The following PEX14 variants were observed in gnomAD, a reference collection of about 807,000 sequenced individuals.
PEX14 encodes peroxisomal biogenesis factor 14.
A neutral mutation model predicts 49.5 loss-of-function variants in PEX14; 15 were observed. The ratio of observed to expected loss-of-function variants is 0.30; its 90% CI spans 0.20 to 0.47. The LOEUF (loss-of-function observed/expected upper bound fraction) is 0.47. PEX14 is among the 20% of genes least tolerant of loss of function. The pLI is 1.00. For missense variants in PEX14, 398 were observed against 494.8 expected (o/e 0.80, Z 1.86); for synonymous variants, 210 against 212.7 (o/e 0.99, Z 0.11).
intron 2 of PEX14, among the ~76,000 whole-genome samples, chr1:10,497,022 G>A (rs1230099955): frequency 6.6e-6 from 1 of 151,218 alleles, no homozygotes; most frequent in African/African-American, 2.4e-5. Flanking sequence ...TCTCATTTGG[G>A]CTGATCCTAT....
chr1:10,484,635 T>C (rs1055827476), intron 1 of PEX14, among the ~76,000 whole-genome samples: 1 of 151,702 alleles, frequency 6.6e-6, no homozygotes, highest in African/African-American at 2.4e-5. Flanking sequence ...ATTGATTATC[T>C]CATGGTTTCT....
At chr1:10,526,737 T>C (rs762977250) in intron 2 of PEX14, among the ~76,000 whole-genome samples, 14 of 152,078 alleles carry the variant, frequency 9.2e-5, no homozygotes, top group Non-Finnish European at 1.8e-4. Flanking sequence ...AGTGAGCATT[T>C]CCTTTGTGCA....
chr1:10,582,356 A>T (rs180940083), intron 3 of PEX14, among the ~76,000 whole-genome samples: 1 of 152,258 alleles, frequency 6.6e-6, no homozygotes, highest in Non-Finnish European at 1.5e-5. Flanking sequence ...GGTTTTGGGG[A>T]TACAGTAATG....
intron 2 of PEX14, among the ~76,000 whole-genome samples, chr1:10,527,001 G>T (rs1638503619): frequency 6.6e-6 from 1 of 152,002 alleles, no homozygotes; most frequent in Admixed American, 6.5e-5. Context: ...ATCACTTGAG[G>T]TTAGGAGTTC....
intron 2 of PEX14, among the ~76,000 whole-genome samples, chr1:10,507,687 C>G (rs567356996): frequency 6.6e-6 from 1 of 152,306 alleles, no homozygotes; most frequent in East Asian, 1.9e-4. Context: ...GCAATTTGCT[C>G]TGGACTCCAG....
chr1:10,551,275 A>G (rs901962378), intron 3 of PEX14, among the ~76,000 whole-genome samples: 3 of 152,200 alleles, frequency 2.0e-5, no homozygotes, highest in South Asian at 2.1e-4. Context: ...CCATACACAC[A>G]TGATATTCAT....
chr1:10,485,566 A>G (rs1018594923), intron 1 of PEX14, among the ~76,000 whole-genome samples: 9 of 150,676 alleles, frequency 6.0e-5, no homozygotes, highest in African/African-American at 2.0e-4. Flanking sequence ...TAGCCCTCCT[A>G]CCTCTGCCTC....
chr1:10,487,481 CTTTTTTT>C (rs33968565), intron 1 of PEX14, among the ~76,000 whole-genome samples: 6 of 86,752 alleles, frequency 6.9e-5, no homozygotes, highest in East Asian at 3.8e-4. Context: ...TTCTTTCTTT[CTTTTTTT>C]TTTTTTTTTT....
chr1:10,483,867 G>A (rs1478935773), intron 1 of PEX14, among the ~76,000 whole-genome samples: 1 of 151,552 alleles, frequency 6.6e-6, no homozygotes, highest in Non-Finnish European at 1.5e-5. Context: ...GTGGTCCTAG[G>A]AAATCTGAAC....
chr1:10,575,632 A>G (rs1640097927), intron 3 of PEX14, among the ~76,000 whole-genome samples: 1 of 152,268 alleles, frequency 6.6e-6, no homozygotes, highest in Admixed American at 6.5e-5. Context: ...ACTCTTCTGC[A>G]TAATTCCTTT....
rs566144838 is a variant in PEX14, at chr1:10,601,414, G to T, written c.298+2048G>T. Among the ~76,000 whole-genome samples, 3 of 152,200 alleles carry T rather than the reference G, an allele frequency of 2.0e-5. No individual in the cohort carries two copies. The East Asian group carries it at 5.8e-4, about 29-fold the overall frequency. On this transcript the variant is annotated intron_variant, in intron 4 of 8. Coordinates refer to ENST00000356607, the MANE Select transcript of PEX14 (RefSeq NM_004565.3). ...TTTTCATCCAGCTCAGCTGCAGCTA[G>T]GCAGGTGTGATCTTGGCAGTAGAGC... is the stretch of plus-strand genomic sequence containing the variant.
intron 2 of PEX14, among the ~76,000 whole-genome samples, chr1:10,534,390 C>T (rs28377898): frequency 0.012 from 1,838 of 152,050 alleles, 28 homozygotes; most frequent in Middle Eastern, 0.068. Context: ...CTCTCCTTTT[C>T]CCCCTCTCTC....
At chr1:10,503,798 A>G (rs1641730417) in intron 2 of PEX14, among the ~76,000 whole-genome samples, 1 of 152,028 alleles carries the variant, frequency 6.6e-6, no homozygotes, top group Non-Finnish European at 1.5e-5. Flanking sequence ...CAGTGGCACA[A>G]TCTCAGCTCA....
At chr1:10,572,999 A>T (rs916148034) in intron 3 of PEX14, among the ~76,000 whole-genome samples, 9 of 152,184 alleles carry the variant, frequency 5.9e-5, no homozygotes, top group African/African-American at 2.2e-4. Context: ...ACTGAAAAGG[A>T]TACTGTAGGC....
intron 2 of PEX14, among the ~76,000 whole-genome samples, chr1:10,533,223 C>G (rs1266080048): frequency 6.6e-6 from 1 of 151,924 alleles, no homozygotes; most frequent in Non-Finnish European, 1.5e-5. Flanking sequence ...ATTTTTGCAT[C>G]TAGTGTAGTG....
At chr1:10,618,516 C>A in intron 5 of PEX14, 99 bp downstream of exon 5, 2 of 938,042 alleles carry the variant, frequency 2.1e-6, no homozygotes, top group South Asian at 1.3e-5. Context: ...CTGCCGTGCT[C>A]TGCCCTGGAG....
At position 10,495,096 on chromosome 1, in the gene PEX14, T is replaced by G. The variant is rs1184728042; in HGVS notation, c.37-178T>G. 1.0e-6 allele frequency: 1 copy of G among 984,774 alleles called. No homozygotes were observed. Among genetic ancestry groups the G allele is most frequent in the East Asian group, 1.1e-4 (1 of 8,824 alleles). The allele number at this position is 984,774 out of a possible 1,614,324, so 61.0% of individuals were successfully genotyped here. On this transcript the variant is annotated intron_variant, in intron 1 of 8. Coordinates refer to ENST00000356607, the MANE Select transcript of PEX14 (RefSeq NM_004565.3). The surrounding 1 kb of genome is among the most constrained non-coding windows in gnomAD (Gnocchi z 4.2). ...TTCATCTTCCCTGGTGAATTCAGAC[T>G]CTTTGGGCTACTTTTTACAGGTAGT...
chr1:10,499,781 A>G (rs1210468802), intron 2 of PEX14, among the ~76,000 whole-genome samples: 1 of 152,010 alleles, frequency 6.6e-6, no homozygotes, highest in Non-Finnish European at 1.5e-5. Flanking sequence ...TGATGACAGC[A>G]ATTTCTACTT....
At chr1:10,478,403 A>C (rs1641231406) in intron 1 of PEX14, among the ~76,000 whole-genome samples, 1 of 152,152 alleles carries the variant, frequency 6.6e-6, no homozygotes, top group African/African-American at 2.4e-5. Flanking sequence ...AATTCCTTAA[A>C]ATTTCAAGGA....
Sources: gnomAD v4.1 joint callset for allele counts (sites outside exome capture counted in the v4.1 genomes callset) on GRCh38, gnomAD v4.1.1 for gene constraint, Gnocchi (gnomAD v3.1) non-coding constraint, MANE v1.5 for transcripts, NCBI Gene and HGNC (gene_info 2026-07-23, HGNC 2026-07-21) for gene names.